Variants in AGPS observed in about 807,000 individuals in gnomAD.
AGPS encodes alkyldihydroxyacetonephosphate synthase, peroxisomal.
AGPS carries 26 observed loss-of-function variants against 90.7 expected under a neutral mutation model. The ratio of observed to expected loss-of-function variants is 0.29; its 90% CI spans 0.21 to 0.40. The LOEUF (loss-of-function observed/expected upper bound fraction) is 0.40, where lower values mean the gene tolerates loss of function less well. AGPS is among the 10% of genes least tolerant of loss of function. AGPS has a pLI of 1.00. For synonymous variants in AGPS, 294 were observed against 285.3 expected, an observed-to-expected ratio of 1.03 and a Z score of -0.31; for missense variants, 540 against 816.1, an observed-to-expected ratio of 0.66 and a Z score of 4.12.
At position 177,538,572 on chromosome 2, in the gene AGPS, C is replaced by T. The variant is rs112754713; in HGVS notation, c.*377C>T. On this transcript the variant is annotated 3_prime_UTR_variant, in exon 20 of 20. Coordinates refer to ENST00000264167, the MANE Select transcript of AGPS (RefSeq NM_003659.4). Reference sequence around the variant, plus strand: ...CTCAGCTAGCCTCTTTTTAAAAGAACGTTTCTGGGAATCAGATGTCTAGGG... The same window carrying T: ...CTCAGCTAGCCTCTTTTTAAAAGAATGTTTCTGGGAATCAGATGTCTAGGG... 529 of 293,554 alleles carry T rather than the reference C, an allele frequency of 1.8e-3. 5 individuals are homozygous for T. Among genetic ancestry groups the T allele is most frequent in the African/African-American group, 0.011 (477 of 44,722 alleles). 18.2% of individuals were successfully genotyped at this position (293,554 alleles called of 1,614,324 possible). A position where few individuals can be genotyped will look rare whatever the true frequency, so the allele number is the denominator to read the frequency against.
At chr2:177,421,544 C>CT (rs902262848) in intron 2 of AGPS, among the ~76,000 whole-genome samples, 2 of 150,874 alleles carry the variant, frequency 1.3e-5, no homozygotes, top group East Asian at 1.9e-4. Flanking sequence ...GTACATTTGA[C>CT]TTTTTTTTTA....
At chr2:177,461,044 T>G (rs1443219757) in intron 8 of AGPS, among the ~76,000 whole-genome samples, 2 of 152,232 alleles carry the variant, frequency 1.3e-5, no homozygotes, top group African/African-American at 4.8e-5. Context: ...GCTGTGTGGC[T>G]TACTTGAAAA....
At position 177,493,660 on chromosome 2, in the gene AGPS, A is replaced by G. The variant is rs538928316; in HGVS notation, c.1285+461A>G. Among the ~76,000 whole-genome samples the G allele has an allele frequency of 5.1e-4, 78 of 152,310 alleles. 1 individual carries two copies. The highest frequency in any genetic ancestry group is 6.8e-3 in the Middle Eastern group (2 of 294). ...TAGAGGGTGGGGTTAGAGTTGTTAC[A>G]TGAGATAAAGTTGGTTGGGTGGGCT... is the stretch of plus-strand genomic sequence containing the variant. On this transcript the variant is annotated intron_variant, in intron 12 of 19. Coordinates refer to ENST00000264167, the MANE Select transcript of AGPS (RefSeq NM_003659.4).
At chr2:177,484,841 C>T (rs1044113374) in intron 11 of AGPS, among the ~76,000 whole-genome samples, 3 of 152,186 alleles carry the variant, frequency 2.0e-5, no homozygotes, top group Admixed American at 1.3e-4. Context: ...CAGCTCAACG[C>T]AGCCTCTCAA....
rs199987956 is a variant in AGPS at position 177,484,931 on chromosome 2, A to AT, written c.1233+2754dup. On this transcript the variant is annotated intron_variant, in intron 11 of 19. Coordinates refer to ENST00000264167, the MANE Select transcript of AGPS (RefSeq NM_003659.4). ...AGGCACACACCACTATACCTGGCTA[A>AT]TTTTTTTTTAAACTTTTGTAGAGAT... Among the ~76,000 whole-genome samples, 980 of 151,224 alleles carry AT rather than the reference A, an allele frequency of 6.5e-3. 9 individuals are homozygous for AT. Among genetic ancestry groups the AT allele is most frequent in the African/African-American group, 0.023 (938 of 41,208 alleles).
intron 17 of AGPS, among the ~76,000 whole-genome samples, chr2:177,520,641 T>G (rs1286428551): frequency 6.6e-6 from 1 of 152,224 alleles, no homozygotes. Flanking sequence ...ATTTGTAGTA[T>G]GGAAGTGCCT....
chr2:177,527,933 C>T (rs2079104474), intron 19 of AGPS, among the ~76,000 whole-genome samples: 1 of 152,068 alleles, frequency 6.6e-6, no homozygotes, highest in African/African-American at 2.4e-5. Context: ...TCTGAAATAC[C>T]TGGTTTTCTC....
intron 1 of AGPS, 41 bp downstream of exon 1, chr2:177,393,090 A>G (rs1467045797): frequency 1.9e-6 from 3 of 1,550,086 alleles, no homozygotes; most frequent in Non-Finnish European, 2.6e-6. Context: ...TCGAGGGACC[A>G]GGCCGGGCCT....
Position 177,539,897 on chromosome 2 carries a change from A to G in AGPS, c.*1702A>G, listed in dbSNP as rs996697375. 2 of 151,230 alleles carry G rather than the reference A, an allele frequency of 1.3e-5. No homozygotes were observed. The highest frequency in any genetic ancestry group is 1.3e-4 in the Admixed American group (2 of 15,190). 9.4% of individuals were successfully genotyped at this position (151,230 alleles called of 1,614,324 possible). ...GCTTTAAGCCCTTGATATTTGACCT[A>G]GTTGGACACTTGATGAGGAAGTTGC... is the stretch of plus-strand genomic sequence containing the variant. On this transcript the variant is annotated 3_prime_UTR_variant, in exon 20 of 20. Coordinates refer to ENST00000264167, the MANE Select transcript of AGPS (RefSeq NM_003659.4).
At chr2:177,482,781 T>C (rs1046894474) in intron 11 of AGPS, among the ~76,000 whole-genome samples, 4 of 152,120 alleles carry the variant, frequency 2.6e-5, no homozygotes, top group Non-Finnish European at 4.4e-5. Flanking sequence ...TTAAAAAATA[T>C]ATTATTAAGA....
chr2:177,399,588 G>T (rs562623668), intron 1 of AGPS, among the ~76,000 whole-genome samples: 1 of 152,256 alleles, frequency 6.6e-6, no homozygotes, highest in South Asian at 2.1e-4. Context: ...CACAGGCAGT[G>T]TACCACAGAA....
At chr2:177,473,903 C>T (rs1687699157) in intron 10 of AGPS, among the ~76,000 whole-genome samples, 1 of 152,188 alleles carries the variant, frequency 6.6e-6, no homozygotes, top group Admixed American at 6.5e-5. Context: ...TTTTATACTA[C>T]TAATTTTTAA....
chr2:177,449,619 T>G (rs961693393), intron 8 of AGPS, among the ~76,000 whole-genome samples: 4 of 152,054 alleles, frequency 2.6e-5, no homozygotes, highest in Non-Finnish European at 5.9e-5. Flanking sequence ...GAGATGGAAT[T>G]TTTTGCCATG....
chr2:177,482,060 A>G lies in AGPS; in HGVS notation c.1107A>G (p.Gly369=). Residue 369 remains glycine (G), a splice_region_variant and synonymous_variant, in exon 11 of 20, where the codon GGA becomes GGG. Coordinates refer to ENST00000264167, the MANE Select transcript of AGPS (RefSeq NM_003659.4). ...ATTATTCCCCCTTCTTTTTTTCAGG[A>G]ACTCTTGGTGTAATAACAGAAGCTA... is the stretch of plus-strand genomic sequence containing the variant. The part of the protein sequence containing the change: ...DIHHFIMGSE[G]TLGVITEATI... 1 of 1,598,900 alleles carries G rather than the reference A, an allele frequency of 6.3e-7. No individual in the cohort carries two copies. The highest frequency in any genetic ancestry group is 1.1e-5 in the South Asian group (1 of 90,500).
intron 14 of AGPS, among the ~76,000 whole-genome samples, chr2:177,502,000 CA>C (rs1187232083): frequency 6.6e-6 from 1 of 152,110 alleles, no homozygotes; most frequent in Non-Finnish European, 1.5e-5. Flanking sequence ...TCAGTAATGC[CA>C]GTTTTGTTTT....
intron 9 of AGPS, among the ~76,000 whole-genome samples, chr2:177,467,740 C>T (rs1687497334): frequency 1.3e-5 from 2 of 152,040 alleles, no homozygotes; most frequent in African/African-American, 4.8e-5. Context: ...ATTTATCGGT[C>T]CAAAATTCAT....
In AGPS at chr2:177,468,988, T is replaced by G. The variant is rs544859903; in HGVS notation, c.1105+464T>G. ...GTTCACATATATTTTAAACTTTTGT[T>G]GGTCTTTTAATTTTTCACTACACAA... On this transcript the variant is annotated intron_variant, in intron 10 of 19. Coordinates refer to ENST00000264167, the MANE Select transcript of AGPS (RefSeq NM_003659.4). 8.5e-5 allele frequency among the ~76,000 whole-genome samples: 13 copies of G among 152,232 alleles called. No homozygotes were observed. In the South Asian group the frequency reaches 2.7e-3, roughly 32 times the overall value.
chr2:177,419,149 A>G (rs1685872737), intron 1 of AGPS, among the ~76,000 whole-genome samples: 1 of 151,902 alleles, frequency 6.6e-6, no homozygotes, highest in African/African-American at 2.4e-5. Flanking sequence ...GCTTAGTTGT[A>G]TTATGTTCAT....
intron 10 of AGPS, among the ~76,000 whole-genome samples, chr2:177,475,216 G>T (rs993486642): frequency 3.3e-5 from 5 of 152,206 alleles, no homozygotes; most frequent in African/African-American, 1.2e-4. Flanking sequence ...GTGTTGAAAA[G>T]AGTGGAAAGA....
Sources: gnomAD v4.1 joint callset for allele counts (sites outside exome capture counted in the v4.1 genomes callset) on GRCh38, gnomAD v4.1.1 for gene constraint, MANE v1.5 for transcripts, NCBI Gene and HGNC (gene_info 2026-07-23, HGNC 2026-07-21) for gene names.